Variants in RBFOX1 observed in about 807,000 individuals in gnomAD.
RBFOX1 encodes the protein RNA binding fox-1 homolog 1.
In RBFOX1, 8 loss-of-function variants were observed where a neutral mutation model predicts 57.7. That is an observed-to-expected ratio of 0.14 (90% CI 0.08 to 0.25). The LOEUF is 0.25. Ranked by LOEUF, RBFOX1 falls within the 10% of genes least tolerant of loss-of-function variation. The probability of loss-of-function intolerance (pLI) is 1.00; values close to 1 mark genes in which losing one functional copy is unlikely to be tolerated. For synonymous variants in RBFOX1, 326 were observed against 222.4 expected, an observed-to-expected ratio of 1.47 and a Z score of -4.15; for missense variants, 611 against 548.5, an observed-to-expected ratio of 1.11 and a Z score of -1.14.
At chr16:7,372,658 G>A (rs150676336) in intron 4 of RBFOX1, among the ~76,000 whole-genome samples, 62 of 152,146 alleles carry the variant, frequency 4.1e-4, no homozygotes, top group African/African-American at 1.3e-3. Context: ...TGTGTCCCCA[G>A]TATTCTTTTT....
rs12447136 is a variant in RBFOX1 at position 6,636,797 on chromosome 16, G to T, written c.-63-17806G>T. Among the ~76,000 whole-genome samples the T allele has an allele frequency of 1.1e-3, 4 of 3,642 alleles. No homozygotes were observed. In the Non-Finnish European group the frequency reaches 0.012, roughly 11 times the overall value. 2.4% of individuals were successfully genotyped at this position (3,642 alleles called of 152,430 possible). ...ATAATATATATAATATATAATATAT[G>T]TTATATATAATATATAATATATAAT... On this transcript the variant is annotated intron_variant, in intron 2 of 15. Transcript: ENST00000550418.
chr16:5,891,648 C>G (rs902882213), intron 4 of RBFOX1, among the ~76,000 whole-genome samples: 8 of 152,104 alleles, frequency 5.3e-5, no homozygotes, highest in African/African-American at 1.9e-4. Flanking sequence ...GAGGGAATCT[C>G]TGGGTCCTGG....
chr16:6,584,367 TA>T (rs1344125975), intron 2 of RBFOX1, among the ~76,000 whole-genome samples: 2 of 147,588 alleles, frequency 1.4e-5, no homozygotes, highest in Non-Finnish European at 3.0e-5. Context: ...TTATTATTAT[TA>T]TTATTATTAT....
At chr16:6,500,061 G>T (rs538849205) in intron 2 of RBFOX1, among the ~76,000 whole-genome samples, 1 of 152,060 alleles carries the variant, frequency 6.6e-6, no homozygotes, top group Admixed American at 6.6e-5. Context: ...TTTGTGAACC[G>T]GGTGTGAATG....
intron 3 of RBFOX1, among the ~76,000 whole-genome samples, chr16:5,765,654 C>T (rs1054980651): frequency 1.3e-5 from 2 of 152,056 alleles, no homozygotes; most frequent in African/African-American, 4.8e-5. Context: ...TACTTTTTTG[C>T]AATTCAACCG....
At chr16:6,793,091 C>T (rs1177239806) in intron 3 of RBFOX1, among the ~76,000 whole-genome samples, 1 of 151,644 alleles carries the variant, frequency 6.6e-6, no homozygotes, top group African/African-American at 2.4e-5. Flanking sequence ...ATGCTCTCTG[C>T]CAGATTGCAC....
At chr16:5,477,948 G>C (rs571794000) in intron 2 of RBFOX1, among the ~76,000 whole-genome samples, 42 of 152,208 alleles carry the variant, frequency 2.8e-4, no homozygotes, top group African/African-American at 9.9e-4. Flanking sequence ...AGTTCTCCTT[G>C]GTTCTCATTA....
At chr16:6,033,209 C>G (rs2095315323) in intron 1 of RBFOX1, among the ~76,000 whole-genome samples, 1 of 152,168 alleles carries the variant, frequency 6.6e-6, no homozygotes, top group African/African-American at 2.4e-5. Flanking sequence ...TAATTAAAAA[C>G]TATTCATTTT....
chr16:5,707,608 A>T (rs1177623081), intron 3 of RBFOX1, among the ~76,000 whole-genome samples: 1 of 152,228 alleles, frequency 6.6e-6, no homozygotes, highest in Non-Finnish European at 1.5e-5. Context: ...TTAAAGGCAC[A>T]GTTTCCAGGG....
intron 4 of RBFOX1, among the ~76,000 whole-genome samples, chr16:7,059,129 A>G (rs1317163041): frequency 3.9e-5 from 6 of 152,226 alleles, no homozygotes; most frequent in African/African-American, 1.2e-4. Flanking sequence ...TCATCTGGAC[A>G]TCAGATAATG....
intron 4 of RBFOX1, among the ~76,000 whole-genome samples, chr16:7,365,477 G>C (rs1275421265): frequency 1.3e-5 from 2 of 152,186 alleles, no homozygotes; most frequent in African/African-American, 4.8e-5. Context: ...TCTCAAGAAG[G>C]AGTGATTTTT....
At chr16:6,145,519 TATA>T (rs2096751369) in intron 1 of RBFOX1, among the ~76,000 whole-genome samples, 1 of 152,340 alleles carries the variant, frequency 6.6e-6, no homozygotes, top group East Asian at 1.9e-4. Context: ...GTCTTTGTAT[TATA>T]ATGATTTCTT....
chr16:6,103,770 C>G (rs549092234), intron 1 of RBFOX1, among the ~76,000 whole-genome samples: 1 of 152,132 alleles, frequency 6.6e-6, no homozygotes, highest in East Asian at 1.9e-4. Context: ...GTCATGTGAC[C>G]TCCATTTCAC....
At chr16:7,320,474 A>G (rs572824950) in intron 4 of RBFOX1, among the ~76,000 whole-genome samples, 8 of 152,272 alleles carry the variant, frequency 5.3e-5, no homozygotes, top group African/African-American at 7.2e-5. Context: ...TATCCAGTCT[A>G]TCTTTGATGG....
intron 1 of RBFOX1, among the ~76,000 whole-genome samples, chr16:5,428,384 C>G (rs559290270): frequency 1.4e-3 from 217 of 152,224 alleles, no homozygotes; most frequent in Middle Eastern, 0.01. Flanking sequence ...GGAGGCGTCC[C>G]CAACAGTCCT....
chr16:6,797,449 A>G (rs1442882859), intron 3 of RBFOX1, among the ~76,000 whole-genome samples: 1 of 152,154 alleles, frequency 6.6e-6, no homozygotes, highest in Non-Finnish European at 1.5e-5. Flanking sequence ...TAACATGAAG[A>G]TAAAACAGTT....
At chr16:6,268,780 G>A (rs1599004309) in intron 1 of RBFOX1, among the ~76,000 whole-genome samples, 1 of 152,102 alleles carries the variant, frequency 6.6e-6, no homozygotes, top group Admixed American at 6.5e-5. Context: ...ATAGTTATAA[G>A]TGGACTTCTG....
At chr16:5,835,136 A>G (rs572298222) in intron 3 of RBFOX1, among the ~76,000 whole-genome samples, 2 of 152,286 alleles carry the variant, frequency 1.3e-5, no homozygotes, top group African/African-American at 4.8e-5. Flanking sequence ...CCCCAGAAGT[A>G]TAATGGGGCT....
At chr16:5,897,169 G>C (rs753897720) in intron 4 of RBFOX1, among the ~76,000 whole-genome samples, 6 of 151,912 alleles carry the variant, frequency 3.9e-5, no homozygotes, top group Non-Finnish European at 7.4e-5. Flanking sequence ...CCCAGTAGCT[G>C]GGACTACAGG....
Sources: allele counts gnomAD v4.1 joint callset (sites outside exome capture counted in the v4.1 genomes callset), GRCh38; gene constraint gnomAD v4.1.1; transcripts MANE v1.5; gene names NCBI Gene and HGNC (gene_info 2026-07-23, HGNC 2026-07-21).